The following MYBPH variants were observed in gnomAD, a reference collection of about 807,000 sequenced individuals.
MYBPH encodes the protein myosin-binding protein H.
In MYBPH, 49 loss-of-function variants were observed where a neutral mutation model predicts 53.6. That is an observed-to-expected ratio of 0.91 (90% CI 0.73 to 1.16). MYBPH has a LOEUF of 1.16. MYBPH is among the 50% of genes most tolerant of loss of function. The probability of loss-of-function intolerance (pLI) is 0.00; values close to 1 mark genes in which losing one functional copy is unlikely to be tolerated. For missense variants in MYBPH, 558 were observed against 624.1 expected, an observed-to-expected ratio of 0.89 and a Z score of 1.13; for synonymous variants, 239 against 249.6, an observed-to-expected ratio of 0.96 and a Z score of 0.40.
In MYBPH at chr1:203,169,328, G is replaced by A. The variant is rs1234266627; in HGVS notation, c.1155C>T (p.Thr385=). Residue 385 remains threonine (T), a synonymous_variant, in exon 8 of 11, where the codon ACC becomes ACT. Coordinates refer to ENST00000255416, the MANE Select transcript of MYBPH (RefSeq NM_004997.3). ...ERDFSEAPSF[T]QPLADHTSTP... ...TGGAGGTGTGGTCAGCCAGGGGCTG[G>A]GTGAATGAGGGGGCTTCTGAGAAGT... The A allele has an allele frequency of 1.9e-6, 3 of 1,611,724 alleles. No homozygotes were observed. The highest frequency in any genetic ancestry group is 1.1e-5 in the South Asian group (1 of 90,742).
At chr1:203,172,142 G>T in intron 3 of MYBPH, 102 bp from the exon 4 acceptor site, 1 of 697,646 alleles carries the variant, frequency 1.4e-6, no homozygotes. Flanking sequence ...CTGGCTGGGA[G>T]GAGGGTCCTG....
In MYBPH at chr1:203,169,267, G is replaced by A. The variant is rs1247360084; in HGVS notation, c.1216C>T (p.Arg406Ter). The stretch of plus-strand genomic sequence containing the variant: ...TGGCCCCTCACCTTGGGTGAAGCTC[G>A]GACACTGCAGAACAACTGGGTGCTG... ...GYSTQLFCSV[R>*]ASPKPKIIWM... is the part of the protein sequence containing the mutation. Residue 406 changes from arginine to a stop codon, truncating the protein, a stop_gained, in exon 8 of 11, where the codon CGA becomes TGA. Coordinates refer to ENST00000255416, the MANE Select transcript of MYBPH (RefSeq NM_004997.3). LOFTEE classifies it high-confidence loss of function. 8 of 1,609,822 alleles carry A rather than the reference G, an allele frequency of 5.0e-6. No homozygotes were observed. Among genetic ancestry groups the A allele is most frequent in the Admixed American group, 1.7e-5 (1 of 59,764 alleles).
At chr1:203,175,077 A>G (rs1388208818) in intron 2 of MYBPH, among the ~76,000 whole-genome samples, 2 of 151,334 alleles carry the variant, frequency 1.3e-5, no homozygotes, top group Non-Finnish European at 3.0e-5. Context: ...GTGTCCCCTT[A>G]CCCTTCCCTT....
rs1476525620 is a variant in MYBPH at position 203,175,758 on chromosome 1, C to A, written c.-3G>T. On this transcript the variant is annotated 5_prime_UTR_variant, in exon 1 of 11. Coordinates refer to ENST00000255416, the MANE Select transcript of MYBPH (RefSeq NM_004997.3). ...TCGGAGGTGTTTTTTTCCATCATTGCTGGACTGGCTGGGGGGCCAGGGTGG... is the reference window on the plus strand; with the variant it reads ...TCGGAGGTGTTTTTTTCCATCATTGATGGACTGGCTGGGGGGCCAGGGTGG... 3 of 1,613,588 alleles carry A rather than the reference C, an allele frequency of 1.9e-6. No individual in the cohort carries two copies. In the African/African-American group the frequency reaches 4.0e-5, roughly 22 times the overall value.
Position 203,168,045 on chromosome 1 carries a change from AGTTTGACTGTAGGCCT to A in MYBPH, c.*63_*78del, listed in dbSNP as rs1655617469. 1 of 156,544 alleles carries A rather than the reference AGTTTGACTGTAGGCCT, an allele frequency of 6.4e-6. No homozygotes were observed. 9.7% of individuals were successfully genotyped at this position (156,544 alleles called of 1,614,324 possible). ...AAGCGGGGGTCTTGGGCATCTCTGG[AGTTTGACTGTAGGCCT>A]GGTGGACCTGGCCCCTCAGGCCTGC... On this transcript the variant is annotated 3_prime_UTR_variant, in exon 11 of 11. Transcript: ENST00000255416.
chr1:203,171,463 C>T lies in MYBPH; in HGVS notation c.713G>A (p.Arg238His), dbSNP rs558140920. ...DSILFIRSAQ[R>H]SDSGRYELTV... is the part of the protein sequence containing the mutation. ...GAGCTCGTAGCGGCCAGAGTCGGAG[C>T]GCTGGGCCGAGCGAATGAAGAGGAT... Residue 238 changes from arginine (R) to histidine (H), a missense_variant, in exon 5 of 11, where the codon CGC (arginine) becomes CAC (histidine). Physicochemically the swap from Arg to His is conservative, Grantham distance 29 (BLOSUM62 0). Coordinates refer to ENST00000255416, the MANE Select transcript of MYBPH (RefSeq NM_004997.3). This position sits in a 1 kb window ranked among gnomAD's most constrained non-coding sequence, Gnocchi z 4.2. 8.7e-6 allele frequency: 14 copies of T among 1,613,898 alleles called. No homozygotes were observed. The highest frequency in any genetic ancestry group is 1.6e-4 in the Middle Eastern group (1 of 6,062).
upstream of MYBPH, among the ~76,000 whole-genome samples, chr1:203,178,609 A>G (rs1327222016): frequency 6.6e-6 from 1 of 152,208 alleles, no homozygotes; most frequent in African/African-American, 2.4e-5. Context: ...TGGGATGAAA[A>G]GCCTTCTTTC....
intron 7 of MYBPH, 64 bp downstream of exon 7, chr1:203,170,227 G>A: frequency 6.3e-7 from 1 of 1,588,854 alleles, no homozygotes; most frequent in Non-Finnish European, 8.6e-7. Context: ...GGGGTGCAGA[G>A]ACGCGGAGGA....
At position 203,175,326 on chromosome 1, in the gene MYBPH, C is replaced by A. The variant is rs771567282; in HGVS notation, c.340+1G>T. The A allele has an allele frequency of 1.3e-5, 19 of 1,519,348 alleles. No homozygotes were observed. In the South Asian group the frequency reaches 2.3e-4, roughly 18 times the overall value. The allele number at this position is 1,519,348 out of a possible 1,614,324, so 94.1% of individuals were successfully genotyped here. On this transcript the variant is annotated splice_donor_variant, in intron 2 of 10. Transcript: ENST00000255416. LOFTEE classifies it high-confidence loss of function. ...TATGCAAGACTTAGCCCAGCACTCACCTCCCTCTCTGCAGAGCTCCAGCAC... is the reference window on the plus strand; with the variant it reads ...TATGCAAGACTTAGCCCAGCACTCAACTCCCTCTCTGCAGAGCTCCAGCAC...
chr1:203,170,531 G>T (rs1054247001), intron 6 of MYBPH, 81 bp from the exon 7 acceptor site: 2 of 1,529,574 alleles, frequency 1.3e-6, no homozygotes, highest in Non-Finnish European at 1.8e-6. Context: ...TTCCTCACAG[G>T]AACTCATTCC....
upstream of MYBPH, among the ~76,000 whole-genome samples, chr1:203,176,757 T>C (rs187150753): frequency 1.4e-3 from 206 of 152,228 alleles, 1 homozygote; most frequent in African/African-American, 4.9e-3. Flanking sequence ...AGGGAGAACA[T>C]TAAGAACTTT....
Position 203,169,645 on chromosome 1 carries a change from G to T in MYBPH, c.1094-256C>A, listed in dbSNP as rs959896200. Among the ~76,000 whole-genome samples, 9 of 152,290 alleles carry T rather than the reference G, an allele frequency of 5.9e-5. No individual in the cohort carries two copies. The East Asian group carries it at 1.5e-3, about 26-fold the overall frequency. On this transcript the variant is annotated intron_variant, in intron 7 of 10. Coordinates refer to ENST00000255416, the MANE Select transcript of MYBPH (RefSeq NM_004997.3). ...GATGCTAGCAACTCAGAGGTGCCACGTTTCCTTTGGGTTTGTCGTTGGAGA... is the reference window on the plus strand; with the variant it reads ...GATGCTAGCAACTCAGAGGTGCCACTTTTCCTTTGGGTTTGTCGTTGGAGA...
Position 203,169,333 on chromosome 1 carries a change from A to G in MYBPH, c.1150T>C (p.Phe384Leu), listed in dbSNP as rs574620213. ...IERDFSEAPS[F>L]TQPLADHTST... Reference sequence around the variant, plus strand: ...GTGTGGTCAGCCAGGGGCTGGGTGAATGAGGGGGCTTCTGAGAAGTCTCGC... The same window carrying G: ...GTGTGGTCAGCCAGGGGCTGGGTGAGTGAGGGGGCTTCTGAGAAGTCTCGC... Residue 384 changes from phenylalanine to leucine, a missense_variant, in exon 8 of 11, where the codon TTC becomes CTC. Physicochemically the swap from Phe to Leu is conservative, Grantham distance 22. Transcript: ENST00000255416. The G allele has an allele frequency of 6.2e-7, 1 of 1,611,272 alleles. No homozygotes were observed. Among genetic ancestry groups the G allele is most frequent in the Non-Finnish European group, 8.5e-7 (1 of 1,178,618 alleles).
At chr1:203,178,720 C>T (rs1167765282), upstream of MYBPH, among the ~76,000 whole-genome samples, 1 of 152,230 alleles carries the variant, frequency 6.6e-6, no homozygotes, top group East Asian at 1.9e-4. Flanking sequence ...GGAAGGCCAT[C>T]AGCCATGCTT....
In MYBPH at chr1:203,171,673, G is replaced by A. The variant is rs566272171; in HGVS notation, c.598-95C>T. The A allele has an allele frequency of 1.2e-5, 16 of 1,303,300 alleles. No individual in the cohort carries two copies. The African/African-American group carries it at 1.9e-4, about 16-fold the overall frequency. 80.7% of individuals were successfully genotyped at this position (1,303,300 alleles called of 1,614,324 possible). A position where few individuals can be genotyped will look rare whatever the true frequency, so the allele number is the denominator to read the frequency against. On this transcript the variant is annotated intron_variant, in intron 4 of 10. Coordinates refer to ENST00000255416, the MANE Select transcript of MYBPH (RefSeq NM_004997.3). This position sits in a 1 kb window ranked among gnomAD's most constrained non-coding sequence, Gnocchi z 4.2. ...AGTCTCTGGAGCTGTTCTCGGGGAA[G>A]CCTGTCCCACTGGCCCTTCTCAGGA...
At chr1:203,178,056 T>A (rs2102196369), upstream of MYBPH, among the ~76,000 whole-genome samples, 1 of 152,370 alleles carries the variant, frequency 6.6e-6, no homozygotes, top group Non-Finnish European at 1.5e-5. Flanking sequence ...AAGTCACAGA[T>A]AATCCAAACA....
upstream of MYBPH, among the ~76,000 whole-genome samples, chr1:203,176,621 A>T (rs758300055): frequency 4.6e-5 from 7 of 152,172 alleles, no homozygotes; most frequent in Non-Finnish European, 8.8e-5. Context: ...GGCTGTGGGC[A>T]TGGGCTTTCT....
chr1:203,170,152 A>C, intron 7 of MYBPH, 139 bp downstream of exon 7: 1 of 1,038,376 alleles, frequency 9.6e-7, no homozygotes, highest in Non-Finnish European at 1.4e-6. Context: ...GTGTGTATGC[A>C]TAGCCGTGGA....
In MYBPH at chr1:203,169,300, G is replaced by A; in HGVS notation, c.1183C>T (p.Pro395Ser). 6.2e-7 allele frequency: 1 copy of A among 1,613,710 alleles called. No individual in the cohort carries two copies. The highest frequency in any genetic ancestry group is 1.7e-5 in the Admixed American group (1 of 59,970). Residue 395 changes from proline to serine, a missense_variant, in exon 8 of 11, where the codon CCT becomes TCT. Transcript: ENST00000255416. Reference protein sequence around the residue: ...TQPLADHTSTPGYSTQLFCSV... With the variant: ...TQPLADHTSTSGYSTQLFCSV... Reference sequence around the variant, plus strand: ...CAGAACAACTGGGTGCTGTAGCCAGGGGTGGAGGTGTGGTCAGCCAGGGGC... The same window carrying A: ...CAGAACAACTGGGTGCTGTAGCCAGAGGTGGAGGTGTGGTCAGCCAGGGGC...
Sources: allele counts gnomAD v4.1 joint callset (sites outside exome capture counted in the v4.1 genomes callset), GRCh38; gene constraint gnomAD v4.1.1; non-coding constraint Gnocchi (gnomAD v3.1); transcripts MANE v1.5; gene names NCBI Gene and HGNC (gene_info 2026-07-23, HGNC 2026-07-21).